RIT1: variants seen among roughly 807,000 people sequenced by gnomAD.
The protein encoded by RIT1 is Ras like without CAAX 1.
In RIT1, 6 loss-of-function variants were observed where a neutral mutation model predicts 25.6. The observed-to-expected ratio is 0.23, with a 90% CI of 0.13 to 0.46. RIT1 has a LOEUF of 0.46. Among genes scored for constraint, RIT1 ranks in the 20% least tolerant of loss-of-function variants. The pLI is 0.99. For missense variants in RIT1, 219 were observed against 284.4 expected (o/e 0.77, Z 1.65); for synonymous variants, 81 against 94.1 (o/e 0.86, Z 0.80).
chr1:155,903,924 T>C (rs1182165428), intron 5 of RIT1, among the ~76,000 whole-genome samples: 1 of 152,290 alleles, frequency 6.6e-6, no homozygotes, highest in Non-Finnish European at 1.5e-5. Context: ...CTGGGATGAT[T>C]GCTTGAGCTG....
chr1:155,911,029 T>C (rs990669964), intron 1 of RIT1: 2 of 974,876 alleles, frequency 2.1e-6, no homozygotes, highest in African/African-American at 3.3e-5. Context: ...TTTTACTTTT[T>C]CCAAAGAGAA....
At chr1:155,901,595 G>A (rs572223266) in intron 5 of RIT1, among the ~76,000 whole-genome samples, 8 of 152,004 alleles carry the variant, frequency 5.3e-5, no homozygotes, top group African/African-American at 1.2e-4. Context: ...CCAAGATCGC[G>A]GCACTGCACT....
intron 3 of RIT1, among the ~76,000 whole-genome samples, chr1:155,906,567 C>T (rs1278523214): frequency 6.6e-6 from 1 of 151,598 alleles, no homozygotes; most frequent in Admixed American, 6.6e-5. Flanking sequence ...TCAAGACCAG[C>T]CTGGCTAATG....
rs757104860 is a variant in RIT1, at chr1:155,899,996, T to C, written c.*392A>G. 2.0e-5 allele frequency: 5 copies of C among 249,854 alleles called. No individual in the cohort carries two copies. Among genetic ancestry groups the C allele is most frequent in the Non-Finnish European group, 3.1e-5 (4 of 127,126 alleles). The allele number at this position is 249,854 out of a possible 1,614,324, so 15.5% of individuals were successfully genotyped here. On this transcript the variant is annotated 3_prime_UTR_variant, in exon 6 of 6. Coordinates refer to ENST00000368323, the MANE Select transcript of RIT1 (RefSeq NM_006912.6). ...AGTGTGAATAGAAGAGACTGAGGTC[T>C]TTCTCTGGGATAGTCCCAGGAAATT...
chr1:155,903,533 T>C, intron 5 of RIT1, among the ~76,000 whole-genome samples: 1 of 151,450 alleles, frequency 6.6e-6, no homozygotes. Context: ...TTGAAAACTA[T>C]TAGGAGCCCA....
chr1:155,906,052 C>T (rs967681656), intron 3 of RIT1, among the ~76,000 whole-genome samples: 1 of 152,132 alleles, frequency 6.6e-6, no homozygotes, highest in Non-Finnish European at 1.5e-5. Flanking sequence ...TGGTCTTGAA[C>T]GCCTGACCTC....
Position 155,904,408 on chromosome 1 carries a change from A to G in RIT1, c.332T>C (p.Val111Ala). ...ATAAATAAGCTGTTTAAACTCACGA[A>G]CTTCATGGAAACTTCGACGATCCGT... Reference protein sequence around the residue: ...SITDRRSFHEVREFKQLIYRV... With the variant: ...SITDRRSFHEAREFKQLIYRV... The change falls in exon 5 of 6, where the codon GTT becomes GCT. Residue 111 changes from valine (V) to alanine (A), a missense_variant. This residue lies in a region of RIT1 where 131 missense variants were observed against 173.6 expected (regional missense o/e 0.75). Transcript: ENST00000368323. 2 of 1,614,034 alleles carry G rather than the reference A, an allele frequency of 1.2e-6. No individual in the cohort carries two copies. Among genetic ancestry groups the G allele is most frequent in the Non-Finnish European group, 1.7e-6 (2 of 1,179,930 alleles).
intron 3 of RIT1, among the ~76,000 whole-genome samples, chr1:155,909,247 G>A (rs907725348): frequency 6.6e-6 from 1 of 151,664 alleles, no homozygotes; most frequent in African/African-American, 2.4e-5. Flanking sequence ...GCTTGGTGGC[G>A]GGCGCCTGTA....
chr1:155,900,155 T>C lies in RIT1; in HGVS notation c.*233A>G. 1 of 503,108 alleles carries C rather than the reference T, an allele frequency of 2.0e-6. No homozygotes were observed. The highest frequency in any genetic ancestry group is 3.5e-6 in the Non-Finnish European group (1 of 283,956). The allele number at this position is 503,108 out of a possible 1,614,324, so 31.2% of individuals were successfully genotyped here. A position where few individuals can be genotyped will look rare whatever the true frequency, so the allele number is the denominator to read the frequency against. On this transcript the variant is annotated 3_prime_UTR_variant, in exon 6 of 6. Coordinates refer to ENST00000368323, the MANE Select transcript of RIT1 (RefSeq NM_006912.6). Reference sequence around the variant, plus strand: ...AATAGCGCAACAGAACCCAAAACATTGGTAGAACAAATTCTAATGTGACAA... The same window carrying C: ...AATAGCGCAACAGAACCCAAAACATCGGTAGAACAAATTCTAATGTGACAA...
chr1:155,909,325 C>T (rs1471323926), intron 3 of RIT1, among the ~76,000 whole-genome samples: 1 of 151,584 alleles, frequency 6.6e-6, no homozygotes, highest in Non-Finnish European at 1.5e-5. Flanking sequence ...TTGTAGTGAG[C>T]CGAGATTGTG....
At chr1:155,902,160 G>A (rs967010091) in intron 5 of RIT1, among the ~76,000 whole-genome samples, 2 of 151,988 alleles carry the variant, frequency 1.3e-5, no homozygotes, top group African/African-American at 4.8e-5. Context: ...GTAGATTCTC[G>A]TTCTATATCT....
rs1673246917 is a variant in RIT1 at position 155,898,747 on chromosome 1, C to G, written c.*1641G>C. ...GCACAGAATCAAATGCTAGGTCTTT[C>G]ACTTTTGGATGGCTGAGTACCATAA... On this transcript the variant is annotated 3_prime_UTR_variant, in exon 6 of 6. Transcript: ENST00000368323. 1 of 192,146 alleles carries G rather than the reference C, an allele frequency of 5.2e-6. No homozygotes were observed. The highest frequency in any genetic ancestry group is 6.1e-5 in the Admixed American group (1 of 16,268). The allele number at this position is 192,146 out of a possible 1,614,324, so 11.9% of individuals were successfully genotyped here.
In RIT1 at chr1:155,904,424, G is replaced by T. The variant is rs779947152; in HGVS notation, c.316C>A (p.Arg106=). The change falls in exon 5 of 6, where the codon CGA becomes AGA. Residue 106 remains arginine (R), a synonymous_variant. Coordinates refer to ENST00000368323, the MANE Select transcript of RIT1 (RefSeq NM_006912.6). The part of the protein sequence containing the change: ...FIICYSITDR[R]SFHEVREFKQ... ...AACTCACGAACTTCATGGAAACTTC[G>T]ACGATCCGTGATAGAGTAACAGATG... 6.2e-7 allele frequency: 1 copy of T among 1,613,986 alleles called. No homozygotes were observed. The highest frequency in any genetic ancestry group is 1.7e-5 in the Admixed American group (1 of 60,010).
chr1:155,910,950 G>A, intron 1 of RIT1, 146 bp from the exon 2 acceptor site: 1 of 1,459,786 alleles, frequency 6.9e-7, no homozygotes, highest in South Asian at 1.2e-5. Flanking sequence ...ACCCTTTCGG[G>A]TGGCCCTAAG....
rs1048111505 is a variant in RIT1 at position 155,904,162 on chromosome 1, G to A, written c.429+149C>T. The A allele has an allele frequency of 1.2e-5, 7 of 593,618 alleles. 1 individual carries two copies. Among genetic ancestry groups the A allele is most frequent in the South Asian group, 9.2e-5 (4 of 43,360 alleles). 36.8% of individuals were successfully genotyped at this position (593,618 alleles called of 1,614,324 possible). ...TAAGCAACCTGCCCACCTTGGCCCCGCAAAGTACTGGTGTGAGCCACCTCA... is the reference window on the plus strand; with the variant it reads ...TAAGCAACCTGCCCACCTTGGCCCCACAAAGTACTGGTGTGAGCCACCTCA... On this transcript the variant is annotated intron_variant, in intron 5 of 5. Coordinates refer to ENST00000368323, the MANE Select transcript of RIT1 (RefSeq NM_006912.6).
chr1:155,899,177 A>G lies in RIT1; in HGVS notation c.*1211T>C, dbSNP rs117963129. ...GGACTACAGTTCCTAAACTATGCAC[A>G]GGGAGCAAAGTGGTATTCCCTTAGG... On this transcript the variant is annotated 3_prime_UTR_variant, in exon 6 of 6. Coordinates refer to ENST00000368323, the MANE Select transcript of RIT1 (RefSeq NM_006912.6). The G allele has an allele frequency of 6.2e-3, 1,280 of 207,828 alleles. 29 individuals carry two copies. Among genetic ancestry groups the G allele is most frequent in the East Asian group, 0.055 (753 of 13,682 alleles). 12.9% of individuals were successfully genotyped at this position (207,828 alleles called of 1,614,324 possible).
chr1:155,910,859 C>T, intron 1 of RIT1, 55 bp from the exon 2 acceptor site: 1 of 1,597,696 alleles, frequency 6.3e-7, no homozygotes. Flanking sequence ...CGGCGACAGC[C>T]CTCAAGCCAG....
In RIT1 at chr1:155,898,518, A is replaced by AAAATATATATATATAT. The variant is rs1557956996; in HGVS notation, c.*1869_*1870insATATATATATATATTT. On this transcript the variant is annotated 3_prime_UTR_variant, in exon 6 of 6. Transcript: ENST00000368323. Reference sequence around the variant, plus strand: ...AAAAAAAAAAAAAAAAAAAAAAAAAAATATATATATATATATATATATATA... The same window carrying AAAATATATATATATAT: ...AAAAAAAAAAAAAAAAAAAAAAAAAAAAATATATATATATATATATATATATATATATATATATATA... 1.7e-4 allele frequency: 7 copies of AAAATATATATATATAT among 40,756 alleles called. No homozygotes were observed. Among genetic ancestry groups the AAAATATATATATATAT allele is most frequent in the African/African-American group, 5.3e-4 (7 of 13,114 alleles). The allele number at this position is 40,756 out of a possible 1,614,324, so 2.5% of individuals were successfully genotyped here.
rs1673247091 is a variant in RIT1 at position 155,898,758 on chromosome 1, G to A, written c.*1630C>T. On this transcript the variant is annotated 3_prime_UTR_variant, in exon 6 of 6. Coordinates refer to ENST00000368323, the MANE Select transcript of RIT1 (RefSeq NM_006912.6). ...AATGCTAGGTCTTTCACTTTTGGATGGCTGAGTACCATAAAACATGATTTA... is the reference window on the plus strand; with the variant it reads ...AATGCTAGGTCTTTCACTTTTGGATAGCTGAGTACCATAAAACATGATTTA... The A allele has an allele frequency of 5.2e-6, 1 of 191,980 alleles. No homozygotes were observed. Among genetic ancestry groups the A allele is most frequent in the African/African-American group, 2.3e-5 (1 of 42,930 alleles). 11.9% of individuals were successfully genotyped at this position (191,980 alleles called of 1,614,324 possible). A position where few individuals can be genotyped will look rare whatever the true frequency, so the allele number is the denominator to read the frequency against.
Sources: gnomAD v4.1 joint callset for allele counts (sites outside exome capture counted in the v4.1 genomes callset) on GRCh38, gnomAD v4.1.1 for gene constraint, gnomAD v4.1.1 regional missense constraint, MANE v1.5 for transcripts, NCBI Gene and HGNC (gene_info 2026-07-23, HGNC 2026-07-21) for gene names.